The following ZFPM2 variants were observed in gnomAD, a reference collection of about 807,000 sequenced individuals.
ZFPM2 encodes zinc finger protein ZFPM2.
In ZFPM2, 20 loss-of-function variants were observed where a neutral mutation model predicts 98.6. The observed-to-expected ratio is 0.20, with a 90% CI of 0.14 to 0.29. The LOEUF (loss-of-function observed/expected upper bound fraction) is 0.29. Among genes scored for constraint, ZFPM2 ranks in the 10% least tolerant of loss-of-function variants. ZFPM2 has a pLI of 1.00. For synonymous variants in ZFPM2, 518 were observed against 502.7 expected (o/e 1.03, Z -0.41); for missense variants, 1,310 against 1,388.6 (o/e 0.94, Z 0.90).
At chr8:105,381,117 C>T (rs1255773830) in intron 1 of ZFPM2, among the ~76,000 whole-genome samples, 27 of 147,044 alleles carry the variant, frequency 1.8e-4, no homozygotes, top group African/African-American at 6.8e-4. Flanking sequence ...TGATATTCCC[C>T]TCCCTATGTC....
chr8:105,350,401 A>T (rs1376954132), intron 1 of ZFPM2, among the ~76,000 whole-genome samples: 2 of 152,216 alleles, frequency 1.3e-5, no homozygotes, highest in Admixed American at 6.5e-5. Flanking sequence ...AGAGACAGAA[A>T]ATTCTACTCT....
chr8:105,684,613 CG>C (rs1170509677), intron 5 of ZFPM2, among the ~76,000 whole-genome samples: 1 of 151,912 alleles, frequency 6.6e-6, no homozygotes, highest in Non-Finnish European at 1.5e-5. Flanking sequence ...AAACAAAACA[CG>C]GTTAGTTGAA....
intron 6 of ZFPM2, among the ~76,000 whole-genome samples, chr8:105,793,931 C>T (rs1470705654): frequency 6.6e-6 from 1 of 152,104 alleles, no homozygotes; most frequent in Admixed American, 6.5e-5. Context: ...GCTCCAACAG[C>T]TCCTTTAAGC....
intron 4 of ZFPM2, among the ~76,000 whole-genome samples, chr8:105,596,696 C>T (rs1348666199): frequency 6.9e-6 from 1 of 144,256 alleles, no homozygotes; most frequent in African/African-American, 2.6e-5. Context: ...TAAAGCAACT[C>T]ATGATAGAGA....
chr8:105,385,999 AAC>A (rs1270739313), intron 1 of ZFPM2, among the ~76,000 whole-genome samples: 3 of 152,214 alleles, frequency 2.0e-5, no homozygotes, highest in Non-Finnish European at 2.9e-5. Flanking sequence ...CCTCATCTAT[AAC>A]ACAGAGCTGA....
chr8:105,363,562 C>A (rs1032448507), intron 1 of ZFPM2, among the ~76,000 whole-genome samples: 1 of 152,100 alleles, frequency 6.6e-6, no homozygotes, highest in African/African-American at 2.4e-5. Context: ...ATATTAGACT[C>A]AGAGGAATAA....
intron 4 of ZFPM2, among the ~76,000 whole-genome samples, chr8:105,619,752 G>T (rs928799640): frequency 5.4e-5 from 8 of 147,954 alleles, no homozygotes; most frequent in Admixed American, 2.7e-4. Context: ...TTGTTGTTCA[G>T]TTCCCACCTA....
intron 3 of ZFPM2, among the ~76,000 whole-genome samples, chr8:105,444,637 A>G (rs1232737395): frequency 6.6e-6 from 1 of 152,070 alleles, no homozygotes; most frequent in East Asian, 1.9e-4. Context: ...AGTCAATTCT[A>G]CTTGCTTCTT....
At chr8:105,415,649 A>T (rs1811666625) in intron 1 of ZFPM2, among the ~76,000 whole-genome samples, 1 of 152,054 alleles carries the variant, frequency 6.6e-6, no homozygotes, top group Non-Finnish European at 1.5e-5. Flanking sequence ...ACCCTTTTAA[A>T]ATGTTAGTTT....
chr8:105,382,879 T>C (rs754090701), intron 1 of ZFPM2, among the ~76,000 whole-genome samples: 1 of 152,122 alleles, frequency 6.6e-6, no homozygotes, highest in Non-Finnish European at 1.5e-5. Flanking sequence ...TTTGAAGCTT[T>C]GGTGACGATG....
chr8:105,518,907 GA>G (rs1813993235), intron 3 of ZFPM2, among the ~76,000 whole-genome samples: 1 of 152,092 alleles, frequency 6.6e-6, no homozygotes. Flanking sequence ...AGGCACTAAG[GA>G]AAAAATAGTA....
intron 5 of ZFPM2, among the ~76,000 whole-genome samples, chr8:105,636,247 A>G (rs889499207): frequency 6.6e-6 from 1 of 152,172 alleles, no homozygotes; most frequent in African/African-American, 2.4e-5. Context: ...TTAGTGGAGT[A>G]TGCTAACTTG....
At position 105,804,255 on chromosome 8, in the gene ZFPM2, A is replaced by ATACTT. The variant is rs1410037244; in HGVS notation, c.*720_*724dup. The stretch of plus-strand genomic sequence containing the variant: ...TTTTAAACCTTTGCTGTTAAATGCA[A>ATACTT]TACTTTATAAAGAATGAACAAAATT... On this transcript the variant is annotated 3_prime_UTR_variant, in exon 8 of 8. Transcript: ENST00000407775. 1 of 152,638 alleles carries ATACTT rather than the reference A, an allele frequency of 6.6e-6. No homozygotes were observed. The highest frequency in any genetic ancestry group is 2.4e-5 in the African/African-American group (1 of 41,462). 9.5% of individuals were successfully genotyped at this position (152,638 alleles called of 1,614,324 possible).
At chr8:105,384,500 G>A (rs544488989) in intron 1 of ZFPM2, among the ~76,000 whole-genome samples, 1 of 152,014 alleles carries the variant, frequency 6.6e-6, no homozygotes, top group Admixed American at 6.5e-5. Flanking sequence ...TTTCTCTGAG[G>A]TGGGGTCAGG....
intron 5 of ZFPM2, among the ~76,000 whole-genome samples, chr8:105,637,965 G>T (rs1040419212): frequency 6.6e-6 from 1 of 152,070 alleles, no homozygotes; most frequent in Non-Finnish European, 1.5e-5. Context: ...TTGTGTGTGT[G>T]TGTGTGTTTT....
chr8:105,571,544 T>A (rs906288264), intron 4 of ZFPM2, among the ~76,000 whole-genome samples: 2 of 152,348 alleles, frequency 1.3e-5, no homozygotes, highest in East Asian at 3.9e-4. Context: ...TTTAAATTCT[T>A]TCTATTTGAT....
chr8:105,610,651 GA>G (rs937605971), intron 4 of ZFPM2, among the ~76,000 whole-genome samples: 110 of 149,048 alleles, frequency 7.4e-4, no homozygotes, highest in Non-Finnish European at 1.3e-3. Flanking sequence ...ATGAGGAATT[GA>G]AAAAAAAATA....
intron 1 of ZFPM2, among the ~76,000 whole-genome samples, chr8:105,319,204 C>T (rs1433189568): frequency 6.6e-6 from 1 of 152,116 alleles, no homozygotes; most frequent in Non-Finnish European, 1.5e-5. Flanking sequence ...GAGGAGCAGC[C>T]CATGCTTGCC....
At chr8:105,720,103 G>T (rs1283928773) in intron 5 of ZFPM2, among the ~76,000 whole-genome samples, 3 of 151,804 alleles carry the variant, frequency 2.0e-5, no homozygotes, top group East Asian at 1.9e-4. Context: ...GATGCGATAA[G>T]GTCCTCTAGT....
Sources: allele counts gnomAD v4.1 joint callset (sites outside exome capture counted in the v4.1 genomes callset), GRCh38; gene constraint gnomAD v4.1.1; transcripts MANE v1.5; gene names NCBI Gene and HGNC (gene_info 2026-07-23, HGNC 2026-07-21).